The following CCDC150 variants were observed in gnomAD, a reference collection of about 807,000 sequenced individuals.
The protein encoded by CCDC150 is coiled-coil domain-containing protein 150.
In CCDC150, 151 loss-of-function variants were observed where a neutral mutation model predicts 156.5. The observed-to-expected ratio is 0.97, with a 90% CI of 0.85 to 1.10. The LOEUF (loss-of-function observed/expected upper bound fraction) is 1.10, where lower values mean the gene tolerates loss of function less well. Ranked by LOEUF, CCDC150 falls within the 50% of genes least tolerant of loss-of-function variation. The pLI, the probability that CCDC150 is intolerant of heterozygous loss-of-function variation, is 0.00. For synonymous variants in CCDC150, 452 were observed against 429.4 expected (o/e 1.05, Z -0.65); for missense variants, 1,312 against 1,268.1 (o/e 1.03, Z -0.53).
At chr2:196,686,190 CT>C in intron 13 of CCDC150, 1 of 298,184 alleles carries the variant, frequency 3.4e-6, no homozygotes, top group Non-Finnish European at 6.5e-6. Context: ...TGCTGGAATG[CT>C]TACACCTGTT....
chr2:196,731,454 A>C (rs1013500167), intron 26 of CCDC150, among the ~76,000 whole-genome samples: 1 of 150,296 alleles, frequency 6.7e-6, no homozygotes, highest in African/African-American at 2.5e-5. Context: ...TGCATGGCAT[A>C]ATCTTGGCTC....
chr2:196,729,988 T>C lies in CCDC150; in HGVS notation c.2852T>C (p.Met951Thr). The change falls in exon 25 of 28, where the codon ATG becomes ACG. Residue 951 changes from methionine (M) to threonine (T), a missense_variant. Met to Thr is a moderately conservative substitution (Grantham distance 81, BLOSUM62 -1). Transcript: ENST00000389175. ...AGTATCCAGAGATTTGTGTGTGAAATGACTAACCTGCAGAAAGAGATGCAG... is the reference window on the plus strand; with the variant it reads ...AGTATCCAGAGATTTGTGTGTGAAACGACTAACCTGCAGAAAGAGATGCAG... ...SLSIQRFVCE[M>T]TNLQKEMQML... 1 of 1,613,402 alleles carries C rather than the reference T, an allele frequency of 6.2e-7. No homozygotes were observed. The highest frequency in any genetic ancestry group is 1.1e-5 in the South Asian group (1 of 90,844).
chr2:196,721,002 TTAA>T (rs1209086299), intron 20 of CCDC150, among the ~76,000 whole-genome samples: 1 of 152,142 alleles, frequency 6.6e-6, no homozygotes, highest in Non-Finnish European at 1.5e-5. Flanking sequence ...GATCCCACTA[TTAA>T]TAAGGAGTCA....
intron 8 of CCDC150, 149 bp downstream of exon 8, chr2:196,670,025 A>AT (rs2125604474): frequency 3.9e-6 from 2 of 515,058 alleles, no homozygotes; most frequent in African/African-American, 3.9e-5. Context: ...ATTTAGGATA[A>AT]TAGTATTAGG....
rs909044660 is a variant in CCDC150 at position 196,713,533 on chromosome 2, A to T, written c.1866+794A>T. ...CACCTAACCTGCCTTCTATGAAAACATCTCAGGATATTGGAGACTCTAGGA... is the reference window on the plus strand; with the variant it reads ...CACCTAACCTGCCTTCTATGAAAACTTCTCAGGATATTGGAGACTCTAGGA... On this transcript the variant is annotated intron_variant, in intron 17 of 27. Transcript: ENST00000389175. 4.5e-6 allele frequency: 7 copies of T among 1,550,566 alleles called. No homozygotes were observed. In the East Asian group the frequency reaches 1.7e-4, roughly 38 times the overall value.
intron 17 of CCDC150, chr2:196,713,537 C>A: frequency 6.4e-7 from 1 of 1,550,512 alleles, no homozygotes; most frequent in Non-Finnish European, 8.7e-7. Context: ...GAAAACATCT[C>A]AGGATATTGG....
intron 12 of CCDC150, chr2:196,677,009 C>T (rs531104403): frequency 5.4e-5 from 36 of 666,314 alleles, no homozygotes; most frequent in South Asian, 4.4e-4. Context: ...AAATTGATTT[C>T]CCCTGAAGGA....
chr2:196,708,631 G>A (rs1696860820), intron 15 of CCDC150, among the ~76,000 whole-genome samples: 1 of 152,178 alleles, frequency 6.6e-6, no homozygotes, highest in African/African-American at 2.4e-5. Flanking sequence ...GCATGTTTTT[G>A]CAGTGGCTGG....
intron 2 of CCDC150, among the ~76,000 whole-genome samples, chr2:196,651,579 G>A (rs550507742): frequency 1.3e-5 from 2 of 151,938 alleles, no homozygotes; most frequent in South Asian, 4.2e-4. Context: ...TTTTCTTTTG[G>A]GATTTTGACT....
Position 196,639,756 on chromosome 2 carries a change from C to G in CCDC150, c.-11C>G. 6.4e-7 allele frequency: 1 copy of G among 1,571,478 alleles called. No individual in the cohort carries two copies. The highest frequency in any genetic ancestry group is 8.7e-7 in the Non-Finnish European group (1 of 1,154,222). ...GCTCGCCTGCTGCAGTACGGAGCCT[C>G]AGGCGGACAGATGGACTGTAAGGTG... On this transcript the variant is annotated 5_prime_UTR_variant, in exon 1 of 28. Transcript: ENST00000389175.
chr2:196,678,672 G>A (rs1694645766), intron 13 of CCDC150, among the ~76,000 whole-genome samples: 1 of 152,162 alleles, frequency 6.6e-6, no homozygotes, highest in African/African-American at 2.4e-5. Context: ...GGAGGCTGAG[G>A]CAGGCAGATC....
intron 2 of CCDC150, among the ~76,000 whole-genome samples, chr2:196,653,479 C>G (rs1692999611): frequency 1.3e-5 from 2 of 152,194 alleles, no homozygotes; most frequent in African/African-American, 4.8e-5. Flanking sequence ...AAGTTCTTTG[C>G]TAGGGTGTCA....
chr2:196,683,482 A>G (rs186455946), intron 13 of CCDC150, among the ~76,000 whole-genome samples: 2 of 151,986 alleles, frequency 1.3e-5, no homozygotes, highest in African/African-American at 4.8e-5. Flanking sequence ...ATTTTCTTGT[A>G]ATCTTTTTGG....
intron 21 of CCDC150, among the ~76,000 whole-genome samples, chr2:196,724,895 C>A (rs925348663): frequency 6.6e-6 from 1 of 152,150 alleles, no homozygotes; most frequent in South Asian, 2.1e-4. Context: ...ACTTCAGGAT[C>A]TCCATCCCTT....
In CCDC150 at chr2:196,639,823, C is replaced by T. The variant is rs565207868; in HGVS notation, c.12+45C>T. ...GGCTGGTGAGGGGTGGTCGGAGGCT[C>T]GCGAGGCTTCGGCTCAGATAAGGAC... On this transcript the variant is annotated intron_variant, in intron 1 of 27. Coordinates refer to ENST00000389175, the MANE Select transcript of CCDC150 (RefSeq NM_001080539.2). The T allele has an allele frequency of 1.5e-4, 236 of 1,539,416 alleles. 4 individuals are homozygous for T. In the South Asian group the frequency reaches 2.5e-3, roughly 16 times the overall value.
At position 196,640,593 on chromosome 2, in the gene CCDC150, C is replaced by T. The variant is rs148781485; in HGVS notation, c.12+815C>T. On this transcript the variant is annotated intron_variant, in intron 1 of 27. Coordinates refer to ENST00000389175, the MANE Select transcript of CCDC150 (RefSeq NM_001080539.2). ...TAAAAACTACTCTTTATCTTTTCCACAAAACGGATTCTTCCTTAATAAGTT... is the reference window on the plus strand; with the variant it reads ...TAAAAACTACTCTTTATCTTTTCCATAAAACGGATTCTTCCTTAATAAGTT... Among the ~76,000 whole-genome samples, 148 of 152,340 alleles carry T rather than the reference C, an allele frequency of 9.7e-4. No individual in the cohort carries two copies. The East Asian group carries it at 0.019, about 20-fold the overall frequency.
chr2:196,711,590 G>A (rs1697117147), intron 15 of CCDC150, among the ~76,000 whole-genome samples: 1 of 152,152 alleles, frequency 6.6e-6, no homozygotes, highest in South Asian at 2.1e-4. Flanking sequence ...TTTCTTTGAA[G>A]AGAGACTTGT....
intron 14 of CCDC150, among the ~76,000 whole-genome samples, chr2:196,700,366 A>G (rs1286857909): frequency 6.6e-6 from 1 of 152,216 alleles, no homozygotes; most frequent in Non-Finnish European, 1.5e-5. Flanking sequence ...ATTAAGATAT[A>G]ACACTGGCAT....
chr2:196,681,094 GTT>G (rs1694789827), intron 13 of CCDC150, among the ~76,000 whole-genome samples: 1 of 152,162 alleles, frequency 6.6e-6, no homozygotes, highest in South Asian at 2.1e-4. Flanking sequence ...CCCTGTACTA[GTT>G]AAGCAGTCAC....
Sources: gnomAD v4.1 joint callset for allele counts (sites outside exome capture counted in the v4.1 genomes callset) on GRCh38, gnomAD v4.1.1 for gene constraint, MANE v1.5 for transcripts, NCBI Gene and HGNC (gene_info 2026-07-23, HGNC 2026-07-21) for gene names.